TOX: variants seen among roughly 807,000 people sequenced by gnomAD.
TOX encodes thymocyte selection-associated high mobility group box protein TOX.
In TOX, 11 loss-of-function variants were observed where a neutral mutation model predicts 53.7. That is an observed-to-expected ratio of 0.20 (90% CI 0.13 to 0.34). The LOEUF is 0.34. Ranked by LOEUF, TOX falls within the 10% of genes least tolerant of loss-of-function variation. The probability of loss-of-function intolerance (pLI) is 1.00; values close to 1 mark genes in which losing one functional copy is unlikely to be tolerated. For missense variants in TOX, 570 were observed against 664.6 expected (o/e 0.86, Z 1.56); for synonymous variants, 225 against 245.3 (o/e 0.92, Z 0.77).
intron 3 of TOX, among the ~76,000 whole-genome samples, chr8:58,895,705 A>G (rs1811632654): frequency 6.6e-6 from 1 of 152,184 alleles, no homozygotes; most frequent in Admixed American, 6.5e-5. Context: ...CCTATGCTGG[A>G]AGATGCCACA....
rs1421922734 is a variant in TOX, at chr8:58,942,124, T to A, written c.169-2580A>T. Among the ~76,000 whole-genome samples the A allele has an allele frequency of 2.0e-5, 3 of 150,568 alleles. No homozygotes were observed. The East Asian group carries it at 5.8e-4, about 29-fold the overall frequency. On this transcript the variant is annotated intron_variant, in intron 2 of 8. Coordinates refer to ENST00000361421, the MANE Select transcript of TOX (RefSeq NM_014729.3). The stretch of plus-strand genomic sequence containing the variant: ...AAGGCACAACTAATGCCAGCAATAA[T>A]GGAGAAAGATGTTTTTAATTTTAGG...
chr8:58,858,637 G>A (rs531522614), intron 3 of TOX, among the ~76,000 whole-genome samples: 11 of 152,232 alleles, frequency 7.2e-5, no homozygotes, highest in East Asian at 1.9e-4. Flanking sequence ...TCTCAAGCCC[G>A]TCCATTTACC....
intron 6 of TOX, among the ~76,000 whole-genome samples, chr8:58,823,045 T>C (rs572101897): frequency 2.6e-5 from 4 of 152,332 alleles, no homozygotes; most frequent in African/African-American, 9.6e-5. Context: ...TTTTTGTTAC[T>C]ATTGGAAACA....
At chr8:58,915,790 G>A (rs1812008260) in intron 3 of TOX, among the ~76,000 whole-genome samples, 1 of 151,366 alleles carries the variant, frequency 6.6e-6, no homozygotes, top group Non-Finnish European at 1.5e-5. Context: ...AGGCAAAGAA[G>A]TTGGAAACTT....
intron 2 of TOX, among the ~76,000 whole-genome samples, chr8:58,944,968 T>A (rs1218716367): frequency 6.6e-6 from 1 of 152,238 alleles, no homozygotes; most frequent in Non-Finnish European, 1.5e-5. Context: ...CATAAATAGC[T>A]AGGTTAAGGC....
chr8:58,842,538 C>A (rs889494158), intron 4 of TOX, among the ~76,000 whole-genome samples: 3 of 152,298 alleles, frequency 2.0e-5, no homozygotes, highest in Middle Eastern at 3.4e-3. Flanking sequence ...AATTTCCCTC[C>A]TCTATTGTCC....
rs114458808 is a variant in TOX, at chr8:58,943,170, C to T, written c.169-3626G>A. Among the ~76,000 whole-genome samples the T allele has an allele frequency of 4.7e-3, 720 of 152,266 alleles. 2 individuals are homozygous for T. Among genetic ancestry groups the T allele is most frequent in the African/African-American group, 0.017 (693 of 41,546 alleles). ...AGTGACACAGAGATTTCAGAGGATT[C>T]GTAAAGGAGAGTTTGTGGCCCTCTG... On this transcript the variant is annotated intron_variant, in intron 2 of 8. Transcript: ENST00000361421.
At chr8:58,990,451 TG>T (rs1482696078) in intron 1 of TOX, among the ~76,000 whole-genome samples, 3 of 151,930 alleles carry the variant, frequency 2.0e-5, no homozygotes, top group African/African-American at 7.2e-5. Flanking sequence ...TTATTATTTT[TG>T]GCTAGAGCTA....
intron 3 of TOX, among the ~76,000 whole-genome samples, chr8:58,881,660 G>A (rs1248078191): frequency 6.9e-6 from 1 of 145,050 alleles, no homozygotes; most frequent in African/African-American, 2.6e-5. Flanking sequence ...GGAGGCGGAG[G>A]TTGCAGTGAG....
At chr8:59,100,845 T>G (rs1019357917) in intron 1 of TOX, among the ~76,000 whole-genome samples, 1 of 152,192 alleles carries the variant, frequency 6.6e-6, no homozygotes, top group East Asian at 1.9e-4. Flanking sequence ...GAGTTGAGCA[T>G]GAACTCCCAT....
chr8:59,013,235 A>G (rs1045539506), intron 1 of TOX, among the ~76,000 whole-genome samples: 2 of 152,188 alleles, frequency 1.3e-5, no homozygotes, highest in African/African-American at 4.8e-5. Context: ...TAGATTTCAG[A>G]GTCTGATACA....
intron 3 of TOX, among the ~76,000 whole-genome samples, chr8:58,934,129 T>C (rs1463712131): frequency 6.6e-6 from 1 of 152,206 alleles, no homozygotes; most frequent in East Asian, 1.9e-4. Flanking sequence ...GAATCAGAAC[T>C]AATTGGCACT....
chr8:59,044,120 C>G (rs1250564333), intron 1 of TOX, among the ~76,000 whole-genome samples: 1 of 151,768 alleles, frequency 6.6e-6, no homozygotes, highest in African/African-American at 2.4e-5. Flanking sequence ...AGGTTAGCAC[C>G]CATTCCATAA....
intron 1 of TOX, among the ~76,000 whole-genome samples, chr8:58,965,901 T>TG (rs1392243537): frequency 2.8e-5 from 4 of 142,076 alleles, no homozygotes; most frequent in Admixed American, 7.0e-5. Context: ...ATCGTTTTTT[T>TG]TTTTTTTTTT....
chr8:58,934,219 A>G (rs960144943), intron 3 of TOX, among the ~76,000 whole-genome samples: 4 of 152,190 alleles, frequency 2.6e-5, no homozygotes, highest in African/African-American at 4.8e-5. Context: ...AGGAAAATGG[A>G]ATCCTTTTCA....
At chr8:58,965,142 G>A (rs1461889244) in intron 1 of TOX, among the ~76,000 whole-genome samples, 1 of 152,088 alleles carries the variant, frequency 6.6e-6, no homozygotes, top group Non-Finnish European at 1.5e-5. Flanking sequence ...TAATTTCCAT[G>A]TATTCTCAAT....
In TOX at chr8:59,052,854, C is replaced by T. The variant is rs558263302; in HGVS notation, c.102+66032G>A. On this transcript the variant is annotated intron_variant, in intron 1 of 8. Transcript: ENST00000361421. ...AAAGTTCTTAGAAAAAAACCTGACA[C>T]GTAGAAGCTGTAAAATAAAAAATTT... Among the ~76,000 whole-genome samples the T allele has an allele frequency of 2.2e-4, 34 of 152,222 alleles. 1 individual carries two copies. The highest frequency in any genetic ancestry group is 3.4e-3 in the Middle Eastern group (1 of 294).
chr8:58,941,132 T>C (rs2129176650), intron 2 of TOX, among the ~76,000 whole-genome samples: 1 of 152,340 alleles, frequency 6.6e-6, no homozygotes, highest in South Asian at 2.1e-4. Context: ...GAAAAATATG[T>C]ATGTGCTGTG....
intron 3 of TOX, among the ~76,000 whole-genome samples, chr8:58,889,041 A>G (rs1811518045): frequency 6.6e-6 from 1 of 152,004 alleles, no homozygotes; most frequent in South Asian, 2.1e-4. Flanking sequence ...AGGCATTCCC[A>G]TATCTAGAGA....
Sources: allele counts gnomAD v4.1 joint callset (sites outside exome capture counted in the v4.1 genomes callset), GRCh38; gene constraint gnomAD v4.1.1; transcripts MANE v1.5; gene names NCBI Gene and HGNC (gene_info 2026-07-23, HGNC 2026-07-21).